REV3L: variants seen among roughly 807,000 people sequenced by gnomAD.
REV3L encodes the protein REV3 like, DNA directed polymerase zeta catalytic subunit, also known as DNA polymerase zeta catalytic subunit.
A neutral mutation model predicts 299.4 loss-of-function variants in REV3L; 69 were observed. That is an observed-to-expected ratio of 0.23 (90% confidence interval 0.19 to 0.28). The LOEUF (loss-of-function observed/expected upper bound fraction) is 0.28, where lower values mean the gene tolerates loss of function less well. REV3L is among the 10% of genes least tolerant of loss of function. The probability of loss-of-function intolerance (pLI) is 1.00; values close to 1 mark genes in which losing one functional copy is unlikely to be tolerated. For synonymous variants in REV3L, 1,238 were observed against 1,271.4 expected (o/e 0.97, Z 0.56); for missense variants, 3,128 against 3,693.8 (o/e 0.85, Z 3.97).
chr6:111,322,993 A>AC (rs201326310), intron 25 of REV3L, among the ~76,000 whole-genome samples: 14,833 of 150,076 alleles, frequency 0.099, 966 homozygotes, highest in Middle Eastern at 0.2. Flanking sequence ...TTATTCAAGA[A>AC]CTTTTTTTTT....
At chr6:111,371,448 C>T (rs1434862898) in intron 13 of REV3L, among the ~76,000 whole-genome samples, 6 of 151,958 alleles carry the variant, frequency 3.9e-5, no homozygotes, top group African/African-American at 7.3e-5. Context: ...TGGAATGCAG[C>T]GGCGTGAACA....
chr6:111,307,630 T>G (rs1582436613), intron 30 of REV3L, 60 bp from the exon 31 acceptor site: 8 of 1,496,508 alleles, frequency 5.3e-6, no homozygotes, highest in Non-Finnish European at 7.4e-6. Flanking sequence ...GCTGCTATTT[T>G]CATGCTAATT....
Position 111,483,063 on chromosome 6 carries a change from C to A in REV3L, c.-175G>T. The A allele has an allele frequency of 1.3e-6, 1 of 747,348 alleles. No homozygotes were observed. Among genetic ancestry groups the A allele is most frequent in the Non-Finnish European group, 1.9e-6 (1 of 517,684 alleles). 46.3% of individuals were successfully genotyped at this position (747,348 alleles called of 1,614,324 possible). ...GGCGGGGCGGTGTAGGCGCTGCTGC[C>A]GCCGCCTCCTCAGGAGCACCCGGCA... On this transcript the variant is annotated 5_prime_UTR_variant, in exon 1 of 32. Transcript: ENST00000368802.
intron 13 of REV3L, among the ~76,000 whole-genome samples, chr6:111,370,519 G>A (rs905589600): frequency 2.0e-5 from 3 of 151,940 alleles, no homozygotes; most frequent in East Asian, 1.9e-4. Context: ...ATTTTATTGT[G>A]TATATTTAAG....
In REV3L at chr6:111,325,839, T is replaced by C. The variant is rs182780800; in HGVS notation, c.8242-3161A>G. Among the ~76,000 whole-genome samples the C allele has an allele frequency of 7.2e-5, 11 of 152,356 alleles. No individual in the cohort carries two copies. In the East Asian group the frequency reaches 2.1e-3, roughly 29 times the overall value. ...ATATACAATAAGTTGCTGTTCACTA[T>C]AGTTACTGTGCTACTAAATACTATA... On this transcript the variant is annotated intron_variant, in intron 25 of 31. Transcript: ENST00000368802.
chr6:111,408,378 G>A (rs1458978001), intron 3 of REV3L, among the ~76,000 whole-genome samples: 3 of 152,072 alleles, frequency 2.0e-5, no homozygotes, highest in Admixed American at 6.5e-5. Flanking sequence ...TGAGGTGGGC[G>A]GATCACCTGA....
chr6:111,315,644 T>A, intron 26 of REV3L: 1 of 424,698 alleles, frequency 2.4e-6, no homozygotes, highest in Non-Finnish European at 4.3e-6. Flanking sequence ...AAGAAAGTCC[T>A]GGATCATCCC....
intron 11 of REV3L, among the ~76,000 whole-genome samples, chr6:111,379,251 T>A (rs1285541904): frequency 6.6e-6 from 1 of 152,216 alleles, no homozygotes; most frequent in Admixed American, 6.5e-5. Context: ...TTTCATCATA[T>A]ACATGTAAAC....
Position 111,300,116 on chromosome 6 carries a change from G to A in REV3L, c.9293C>T (p.Pro3098Leu), listed in dbSNP as rs1376972440. 4 of 1,612,676 alleles carry A rather than the reference G, an allele frequency of 2.5e-6. No individual in the cohort carries two copies. Among genetic ancestry groups the A allele is most frequent in the Admixed American group, 1.7e-5 (1 of 59,820 alleles). ...TACTGGGCAGTTCAGAGAAACACAT[G>A]GGATGTGTCGATCAAAGCAACCTGT... The part of the protein sequence containing the change: ...NCTGCFDRHI[P>L]CVSLNCPVLF... The change falls in exon 32 of 32, where the codon CCA (proline) becomes CTA (leucine). Residue 3098 changes from proline to leucine, a missense_variant. Pro to Leu is a moderately conservative substitution (Grantham distance 98, BLOSUM62 -3). Around this residue, in one of 9 missense-constraint regions of REV3L, gnomAD observed 294 missense variants for 377.0 expected, o/e 0.78. Transcript: ENST00000368802.
At chr6:111,431,022 A>G (rs1254861730) in intron 1 of REV3L, 1 of 1,560,152 alleles carries the variant, frequency 6.4e-7, no homozygotes. Context: ...CTCCAGTGTT[A>G]TATTTGAATT....
intron 21 of REV3L, among the ~76,000 whole-genome samples, chr6:111,342,215 C>T (rs1310704210): frequency 6.6e-6 from 1 of 152,010 alleles, no homozygotes; most frequent in Non-Finnish European, 1.5e-5. Flanking sequence ...AGATTCCAGG[C>T]AAAGGAACAG....
At position 111,367,659 on chromosome 6, in the gene REV3L, T is replaced by C. The variant is rs1562193841; in HGVS notation, c.6129A>G (p.Pro2043=). 1 of 1,614,242 alleles carries C rather than the reference T, an allele frequency of 6.2e-7. No individual in the cohort carries two copies. Among genetic ancestry groups the C allele is most frequent in the Admixed American group, 1.7e-5 (1 of 60,030 alleles). Residue 2043 remains proline (P), a synonymous_variant, in exon 14 of 32, where the codon CCA becomes CCG. Transcript: ENST00000368802. ...SAENFSSSVN[P]DDKPVVPPKM... is the part of the protein sequence containing the mutation. ...TTGGAGGCACTACAGGTTTGTCATC[T>C]GGGTTAACTGAAGAGCTAAAGTTCT... is the stretch of plus-strand genomic sequence containing the variant.
Position 111,368,046 on chromosome 6 carries a change from A to G in REV3L, c.5760-18T>C. 1 of 1,551,702 alleles carries G rather than the reference A, an allele frequency of 6.4e-7. No individual in the cohort carries two copies. Among genetic ancestry groups the G allele is most frequent in the Non-Finnish European group, 8.7e-7 (1 of 1,153,254 alleles). ...CAATCTCCCTATAATAACATATTTT[A>G]GAACAACTGTTTTGTTTCAAAGAGC... On this transcript the variant is annotated intron_variant, in intron 13 of 31. Coordinates refer to ENST00000368802, the MANE Select transcript of REV3L (RefSeq NM_001372078.1).
intron 31 of REV3L, among the ~76,000 whole-genome samples, chr6:111,303,829 C>T (rs1274011114): frequency 6.8e-6 from 1 of 147,158 alleles, no homozygotes; most frequent in African/African-American, 2.6e-5. Flanking sequence ...AAGTGATTTT[C>T]CTGCCTCAGC....
intron 31 of REV3L, among the ~76,000 whole-genome samples, chr6:111,305,033 C>T (rs1260567915): frequency 6.6e-6 from 1 of 151,792 alleles, no homozygotes; most frequent in East Asian, 1.9e-4. Flanking sequence ...CCTCTGCCTC[C>T]CAGGTTCAAG....
At chr6:111,303,156 C>CTTTTT (rs1562474350) in intron 31 of REV3L, among the ~76,000 whole-genome samples, 1 of 46,324 alleles carries the variant, frequency 2.2e-5, no homozygotes, top group Non-Finnish European at 4.3e-5. Context: ...CTGAGGCTTT[C>CTTTTT]TTTTCTTTCT....
At chr6:111,439,258 A>G (rs1787957160) in intron 1 of REV3L, among the ~76,000 whole-genome samples, 1 of 152,162 alleles carries the variant, frequency 6.6e-6, no homozygotes, top group African/African-American at 2.4e-5. Context: ...TTCTTATTTG[A>G]GTTCAAAATG....
At chr6:111,315,192 T>C in intron 27 of REV3L, 75 bp downstream of exon 27, 1 of 1,183,808 alleles carries the variant, frequency 8.4e-7, no homozygotes, top group Admixed American at 2.0e-5. Context: ...ATTCTGAAAA[T>C]GTACTGAACA....
At chr6:111,304,110 TATA>T (rs1219215588) in intron 31 of REV3L, among the ~76,000 whole-genome samples, 1 of 150,982 alleles carries the variant, frequency 6.6e-6, no homozygotes, top group East Asian at 2.0e-4. Flanking sequence ...AGGTCTGACT[TATA>T]ATGTTTACAA....
Sources: allele counts gnomAD v4.1 joint callset (sites outside exome capture counted in the v4.1 genomes callset), GRCh38; gene constraint gnomAD v4.1.1; regional missense constraint gnomAD v4.1.1; transcripts MANE v1.5; gene names NCBI Gene and HGNC (gene_info 2026-07-23, HGNC 2026-07-21).